ZNF804A: variants seen among roughly 807,000 people sequenced by gnomAD.
ZNF804A encodes zinc finger protein 804A.
Under a neutral mutation model 16.5 loss-of-function variants are expected in ZNF804A, and 2 were observed. The ratio of observed to expected loss-of-function variants is 0.12; its 90% CI spans 0.05 to 0.38. ZNF804A has a LOEUF of 0.38. Ranked by LOEUF, ZNF804A falls within the 10% of genes least tolerant of loss-of-function variation. ZNF804A has a pLI of 0.99. For missense variants in ZNF804A, 1,473 were observed against 1,390.7 expected (o/e 1.06, Z -0.94); for synonymous variants, 534 against 489.6 (o/e 1.09, Z -1.20).
chr2:184,734,421 C>G (rs903175125), intron 1 of ZNF804A, among the ~76,000 whole-genome samples: 2 of 152,140 alleles, frequency 1.3e-5, no homozygotes, highest in East Asian at 1.9e-4. Context: ...TCTTCTATGA[C>G]TTATGTGTTA....
In ZNF804A at chr2:184,937,093, G is replaced by C; in HGVS notation, c.1697G>C (p.Ser566Thr). ...ACAGAAAAGTATAATTTTACTAAAAGTCAAATAAAACAGGACACTCTAGAT... is the reference window on the plus strand; with the variant it reads ...ACAGAAAAGTATAATTTTACTAAAACTCAAATAAAACAGGACACTCTAGAT... The part of the protein sequence containing the change: ...RETEKYNFTK[S>T]QIKQDTLDEK... Residue 566 changes from serine (S) to threonine (T), a missense_variant, in exon 4 of 4, where the codon AGT (serine) becomes ACT (threonine). Physicochemically the swap from Ser to Thr is moderately conservative, Grantham distance 58. Transcript: ENST00000302277. 1 of 1,605,172 alleles carries C rather than the reference G, an allele frequency of 6.2e-7. No homozygotes were observed. Among genetic ancestry groups the C allele is most frequent in the Non-Finnish European group, 8.5e-7 (1 of 1,177,694 alleles).
At chr2:184,745,986 T>C (rs188611079) in intron 1 of ZNF804A, among the ~76,000 whole-genome samples, 2 of 151,786 alleles carry the variant, frequency 1.3e-5, no homozygotes, top group East Asian at 3.9e-4. Flanking sequence ...GTTTTGTTCC[T>C]ATACTTTTTA....
chr2:184,725,143 T>C (rs528185330), intron 1 of ZNF804A, among the ~76,000 whole-genome samples: 6 of 151,768 alleles, frequency 4.0e-5, no homozygotes, highest in South Asian at 2.1e-4. Flanking sequence ...GAATGACCTT[T>C]GGAAATTTCT....
At chr2:184,925,111 C>T (rs940938897) in intron 2 of ZNF804A, among the ~76,000 whole-genome samples, 3 of 151,828 alleles carry the variant, frequency 2.0e-5, no homozygotes, top group African/African-American at 4.8e-5. Context: ...CTGGAATATT[C>T]GTGCAATGCT....
intron 1 of ZNF804A, among the ~76,000 whole-genome samples, chr2:184,719,407 T>C (rs112014386): frequency 1.8e-4 from 28 of 152,334 alleles, no homozygotes; most frequent in African/African-American, 5.3e-4. Context: ...TCATTCATTA[T>C]GCAAATTTCT....
intron 1 of ZNF804A, among the ~76,000 whole-genome samples, chr2:184,852,241 C>CTCTCTCTCTT (rs1553483868): frequency 8.6e-5 from 13 of 150,298 alleles, no homozygotes; most frequent in African/African-American, 3.0e-4. Context: ...CTCTCTCTCT[C>CTCTCTCTCTT]TCTCTCTCTC....
intron 2 of ZNF804A, among the ~76,000 whole-genome samples, chr2:184,885,714 A>G (rs564592713): frequency 5.8e-4 from 88 of 152,278 alleles, no homozygotes; most frequent in Middle Eastern, 6.8e-3. Flanking sequence ...GCAGCAAGAG[A>G]AAATGAGGAG....
At chr2:184,760,700 T>C (rs1227602789) in intron 1 of ZNF804A, among the ~76,000 whole-genome samples, 1 of 152,186 alleles carries the variant, frequency 6.6e-6, no homozygotes, top group Non-Finnish European at 1.5e-5. Flanking sequence ...TGGCTGTTTT[T>C]GGCTACATGC....
intron 2 of ZNF804A, among the ~76,000 whole-genome samples, chr2:184,903,374 C>G (rs567373858): frequency 6.6e-6 from 1 of 152,060 alleles, no homozygotes; most frequent in Non-Finnish European, 1.5e-5. Context: ...TTTAAATACA[C>G]GTATACTTAC....
intron 1 of ZNF804A, among the ~76,000 whole-genome samples, chr2:184,630,497 A>G (rs1401259324): frequency 6.6e-6 from 1 of 152,202 alleles, no homozygotes; most frequent in Non-Finnish European, 1.5e-5. Flanking sequence ...GAAATATAAG[A>G]AGGTGTAATA....
chr2:184,930,891 T>A (rs879278885), intron 2 of ZNF804A, among the ~76,000 whole-genome samples: 21 of 152,204 alleles, frequency 1.4e-4, no homozygotes, highest in Non-Finnish European at 1.5e-4. Flanking sequence ...ATGCTGCTAA[T>A]AAAGACATAC....
intron 1 of ZNF804A, among the ~76,000 whole-genome samples, chr2:184,804,047 G>A (rs951474405): frequency 3.9e-5 from 6 of 152,034 alleles, no homozygotes; most frequent in African/African-American, 1.2e-4. Context: ...TGTATTTTTA[G>A]TAGAGACGGA....
intron 1 of ZNF804A, among the ~76,000 whole-genome samples, chr2:184,645,374 G>A (rs981010655): frequency 1.3e-5 from 2 of 152,044 alleles, no homozygotes; most frequent in African/African-American, 4.8e-5. Context: ...TATTAAAAGG[G>A]CAAAAGGTTT....
intron 1 of ZNF804A, among the ~76,000 whole-genome samples, chr2:184,758,493 C>A (rs996750729): frequency 9.9e-5 from 15 of 151,844 alleles, no homozygotes; most frequent in African/African-American, 3.1e-4. Flanking sequence ...AGGCATAGTT[C>A]CCAAGGTTAC....
chr2:184,848,246 T>A (rs1016542227), intron 1 of ZNF804A, among the ~76,000 whole-genome samples: 1 of 151,958 alleles, frequency 6.6e-6, no homozygotes, highest in Non-Finnish European at 1.5e-5. Flanking sequence ...CTTGGGAGAA[T>A]CCAAACATTT....
intron 1 of ZNF804A, among the ~76,000 whole-genome samples, chr2:184,633,369 T>TA (rs1470786678): frequency 6.6e-6 from 1 of 152,108 alleles, no homozygotes; most frequent in Admixed American, 6.6e-5. Flanking sequence ...TTTTTTTAAA[T>TA]AAAAAGTAGG....
At chr2:184,764,433 A>G (rs1404473671) in intron 1 of ZNF804A, among the ~76,000 whole-genome samples, 2 of 152,102 alleles carry the variant, frequency 1.3e-5, no homozygotes, top group African/African-American at 2.4e-5. Flanking sequence ...TATCACCTCA[A>G]TTTCCTTGAG....
intron 1 of ZNF804A, among the ~76,000 whole-genome samples, chr2:184,619,974 T>A (rs998535657): frequency 3.3e-5 from 5 of 151,828 alleles, no homozygotes; most frequent in African/African-American, 1.2e-4. Flanking sequence ...AATATACATT[T>A]CTCAAAATAA....
At chr2:184,893,971 C>G (rs1322652869) in intron 2 of ZNF804A, among the ~76,000 whole-genome samples, 1 of 152,184 alleles carries the variant, frequency 6.6e-6, no homozygotes, top group East Asian at 1.9e-4. Flanking sequence ...CTAGCAAGTG[C>G]CCATAATGCT....
Sources: allele counts gnomAD v4.1 joint callset (sites outside exome capture counted in the v4.1 genomes callset), GRCh38; gene constraint gnomAD v4.1.1; transcripts MANE v1.5; gene names NCBI Gene and HGNC (gene_info 2026-07-23, HGNC 2026-07-21).